The following ADARB1 variants were observed in gnomAD, a reference collection of about 807,000 sequenced individuals.
The protein encoded by ADARB1 is double-stranded RNA-specific editase 1.
Under a neutral mutation model 52.4 loss-of-function variants are expected in ADARB1, and 10 were observed. The ratio of observed to expected loss-of-function variants is 0.19; its 90% confidence interval spans 0.12 to 0.32. ADARB1 has a LOEUF of 0.32. ADARB1 is among the 10% of genes least tolerant of loss of function. ADARB1 has a pLI of 1.00. For missense variants in ADARB1, 643 were observed against 922.3 expected, an observed-to-expected ratio of 0.70 and a Z score of 3.92; for synonymous variants, 349 against 371.1, an observed-to-expected ratio of 0.94 and a Z score of 0.68.
chr21:45,120,634 G>A (rs1184231248), intron 1 of ADARB1, among the ~76,000 whole-genome samples: 1 of 152,166 alleles, frequency 6.6e-6, no homozygotes, highest in East Asian at 1.9e-4. Context: ...CCCTGCCACC[G>A]CATTGCTCTG....
At chr21:45,106,943 A>G (rs2087286380) in intron 1 of ADARB1, among the ~76,000 whole-genome samples, 1 of 152,246 alleles carries the variant, frequency 6.6e-6, no homozygotes, top group African/African-American at 2.4e-5. Flanking sequence ...TGTTGAGTAA[A>G]GGAAAGAAAA....
In ADARB1 at chr21:45,128,437, G is replaced by A. The variant is rs985789512; in HGVS notation, c.-184G>A. 6.6e-6 allele frequency: 1 copy of A among 152,146 alleles called. No homozygotes were observed. The highest frequency in any genetic ancestry group is 1.5e-5 in the Non-Finnish European group (1 of 68,018). The allele number at this position is 152,146 out of a possible 1,614,324, so 9.4% of individuals were successfully genotyped here. ...TTCAGGCTGGCATGGAGAGCTTAAG[G>A]GGCAACTGAAGGAGACACACTGGCC... On this transcript the variant is annotated 5_prime_UTR_variant, in exon 2 of 11. Transcript: ENST00000348831. This position sits in a 1 kb window ranked among gnomAD's most constrained non-coding sequence, Gnocchi z 4.6.
intron 1 of ADARB1, among the ~76,000 whole-genome samples, chr21:45,080,009 A>C (rs1446482124): frequency 6.6e-6 from 1 of 152,120 alleles, no homozygotes; most frequent in African/African-American, 2.4e-5. Flanking sequence ...AACTAGTGAG[A>C]GTCTAGTGGC....
At chr21:45,186,298 C>G (rs893340192) in intron 8 of ADARB1, among the ~76,000 whole-genome samples, 2 of 152,090 alleles carry the variant, frequency 1.3e-5, no homozygotes, top group Non-Finnish European at 2.9e-5. Flanking sequence ...TGCAAATCTT[C>G]CTTCATAGTC....
chr21:45,226,186 C>A lies in ADARB1; in HGVS notation c.*3989C>A, dbSNP rs574297427. The stretch of plus-strand genomic sequence containing the variant: ...CGAGTACCAAGCCACAAGAACACTT[C>A]TTTTGGCCACAGCATAAGCTGATGG... On this transcript the variant is annotated 3_prime_UTR_variant, in exon 11 of 11. Coordinates refer to ENST00000348831, the MANE Select transcript of ADARB1 (RefSeq NM_001112.4). The A allele has an allele frequency of 7.9e-5, 12 of 152,528 alleles. No individual in the cohort carries two copies. In the South Asian group the frequency reaches 2.5e-3, roughly 32 times the overall value. 9.4% of individuals were successfully genotyped at this position (152,528 alleles called of 1,614,324 possible). A position where few individuals can be genotyped will look rare whatever the true frequency, so the allele number is the denominator to read the frequency against.
chr21:45,220,712 C>T lies in ADARB1; in HGVS notation c.1748-124C>T. On this transcript the variant is annotated intron_variant, in intron 9 of 10. Transcript: ENST00000348831. The surrounding 1 kb of genome is among the most constrained non-coding windows in gnomAD (Gnocchi z 6.3). ...GCTCAAGTCTGCGTATATTCCTCGG[C>T]AGGCAGAATTCCCCCACCACGCACT... 9.8e-7 allele frequency: 1 copy of T among 1,024,558 alleles called. No homozygotes were observed. Among genetic ancestry groups the T allele is most frequent in the Non-Finnish European group, 1.4e-6 (1 of 690,612 alleles). The allele number at this position is 1,024,558 out of a possible 1,614,324, so 63.5% of individuals were successfully genotyped here.
At position 45,225,155 on chromosome 21, in the gene ADARB1, G is replaced by T; in HGVS notation, c.*2958G>T. ...TGTCCCTCAGGACCACTCAGGTACA[G>T]CTCTGCCAGGGACAGAGTCCTGCTA... On this transcript the variant is annotated 3_prime_UTR_variant, in exon 11 of 11. Transcript: ENST00000348831. The T allele has an allele frequency of 9.7e-7, 1 of 1,026,718 alleles. No individual in the cohort carries two copies. Among genetic ancestry groups the T allele is most frequent in the Non-Finnish European group, 1.2e-6 (1 of 857,900 alleles). The allele number at this position is 1,026,718 out of a possible 1,614,324, so 63.6% of individuals were successfully genotyped here.
At chr21:45,115,555 A>G (rs1231385304) in intron 1 of ADARB1, among the ~76,000 whole-genome samples, 1 of 152,252 alleles carries the variant, frequency 6.6e-6, no homozygotes, top group Non-Finnish European at 1.5e-5. Flanking sequence ...GATTTCTTAT[A>G]GGTATACATC....
rs2088706913 is a variant in ADARB1, at chr21:45,128,117, T to C, written c.-219-285T>C. On this transcript the variant is annotated intron_variant, in intron 1 of 10. Coordinates refer to ENST00000348831, the MANE Select transcript of ADARB1 (RefSeq NM_001112.4). This position sits in a 1 kb window ranked among gnomAD's most constrained non-coding sequence, Gnocchi z 4.6. The stretch of plus-strand genomic sequence containing the variant: ...TTCTGCCTGAGACTCCAGTCCTCAG[T>C]GTGTGGCCTGGTGCCGCTGATGCCG... Among the ~76,000 whole-genome samples, 1 of 152,176 alleles carries C rather than the reference T, an allele frequency of 6.6e-6. No homozygotes were observed. Among genetic ancestry groups the C allele is most frequent in the Non-Finnish European group, 1.5e-5 (1 of 68,018 alleles).
chr21:45,093,949 G>A (rs964117597), intron 1 of ADARB1, among the ~76,000 whole-genome samples: 85 of 152,260 alleles, frequency 5.6e-4, no homozygotes, highest in African/African-American at 1.9e-3. Context: ...TTAGCACTTC[G>A]TTTTTACTGG....
At chr21:45,124,773 G>A (rs899748446) in intron 1 of ADARB1, among the ~76,000 whole-genome samples, 5 of 123,908 alleles carry the variant, frequency 4.0e-5, no homozygotes, top group Non-Finnish European at 7.0e-5. Flanking sequence ...AATGGTGTGT[G>A]TGTGTGTGTG....
chr21:45,079,680 G>A (rs936616008), intron 1 of ADARB1, among the ~76,000 whole-genome samples: 1 of 152,218 alleles, frequency 6.6e-6, no homozygotes, highest in African/African-American at 2.4e-5. Flanking sequence ...GGGTTGTTGA[G>A]TTGCTAATGT....
In ADARB1 at chr21:45,220,256, C is replaced by T. The variant is rs187450913; in HGVS notation, c.1748-580C>T. On this transcript the variant is annotated intron_variant, in intron 9 of 10. Coordinates refer to ENST00000348831, the MANE Select transcript of ADARB1 (RefSeq NM_001112.4). This position sits in a 1 kb window ranked among gnomAD's most constrained non-coding sequence, Gnocchi z 6.3. ...AGGTTTTTTCATAATAAGCATTTTC[C>T]ATGAACTTTTTCAAGACTCTTGTTA... 1.7e-3 allele frequency among the ~76,000 whole-genome samples: 256 copies of T among 152,208 alleles called. 1 individual carries two copies. Among genetic ancestry groups the T allele is most frequent in the African/African-American group, 5.9e-3 (247 of 41,522 alleles).
intron 1 of ADARB1, among the ~76,000 whole-genome samples, chr21:45,084,836 C>G (rs530282664): frequency 4.2e-4 from 64 of 152,260 alleles, no homozygotes; most frequent in African/African-American, 1.5e-3. Context: ...CAGTTGGGCA[C>G]AAGGTGTCCA....
At chr21:45,131,607 C>T (rs552736488) in intron 2 of ADARB1, among the ~76,000 whole-genome samples, 10 of 152,330 alleles carry the variant, frequency 6.6e-5, no homozygotes, top group South Asian at 4.1e-4. Context: ...TTGCTACCAC[C>T]GGGCATCGCT....
At position 45,205,326 on chromosome 21, in the gene ADARB1, G is replaced by T. The variant is rs545084431; in HGVS notation, c.1747+590G>T. Among the ~76,000 whole-genome samples, 4 of 152,324 alleles carry T rather than the reference G, an allele frequency of 2.6e-5. No homozygotes were observed. In the East Asian group the frequency reaches 7.7e-4, roughly 29 times the overall value. On this transcript the variant is annotated intron_variant, in intron 9 of 10. Transcript: ENST00000348831. ...AAGAATGAAATTATGACTGGGCTGG[G>T]CACCTGTCTGTTTTCCTCTCACTCA... is the stretch of plus-strand genomic sequence containing the variant.
intron 2 of ADARB1, chr21:45,144,830 C>A: frequency 4.3e-6 from 1 of 232,188 alleles, no homozygotes; most frequent in Non-Finnish European, 8.9e-6. Flanking sequence ...TCCTGTCATG[C>A]CGGGAGAGTC....
At chr21:45,145,954 C>T (rs1447576269) in intron 2 of ADARB1, 1 of 152,228 alleles carries the variant, frequency 6.6e-6, no homozygotes, top group Non-Finnish European at 1.5e-5. Flanking sequence ...TCATGTTGAC[C>T]ACGTTCTCAC....
chr21:45,147,882 G>T (rs1337641869), intron 2 of ADARB1, among the ~76,000 whole-genome samples: 6 of 152,072 alleles, frequency 3.9e-5, no homozygotes, highest in Admixed American at 3.9e-4. Flanking sequence ...CCCACGCAGC[G>T]GTTCCTGCTT....
Sources: gnomAD v4.1 joint callset for allele counts (sites outside exome capture counted in the v4.1 genomes callset) on GRCh38, gnomAD v4.1.1 for gene constraint, Gnocchi (gnomAD v3.1) non-coding constraint, MANE v1.5 for transcripts, NCBI Gene and HGNC (gene_info 2026-07-23, HGNC 2026-07-21) for gene names.